The following OTUD7A variants were observed in gnomAD, a reference collection of about 807,000 sequenced individuals.
The protein encoded by OTUD7A is OTU deubiquitinase 7A, also known as OTU domain-containing protein 7A.
Under a neutral mutation model 65.7 loss-of-function variants are expected in OTUD7A, and 12 were observed. The observed-to-expected ratio is 0.18, with a 90% CI of 0.12 to 0.30. The LOEUF is 0.30. Among genes scored for constraint, OTUD7A ranks in the 10% least tolerant of loss-of-function variants. The probability of loss-of-function intolerance (pLI) is 1.00; values close to 1 mark genes in which losing one functional copy is unlikely to be tolerated. For synonymous variants in OTUD7A, 641 were observed against 586.3 expected (o/e 1.09, Z -1.35); for missense variants, 1,148 against 1,304.8 (o/e 0.88, Z 1.85).
chr15:31,488,728 T>G (rs994994587), intron 10 of OTUD7A, among the ~76,000 whole-genome samples: 2 of 152,134 alleles, frequency 1.3e-5, no homozygotes, highest in African/African-American at 4.8e-5. Context: ...AATAGTTGAT[T>G]TGGTAAGAAA....
chr15:31,496,770 G>C (rs1227945834), intron 10 of OTUD7A, among the ~76,000 whole-genome samples: 4 of 152,172 alleles, frequency 2.6e-5, no homozygotes, highest in African/African-American at 9.7e-5. Flanking sequence ...ATCAAATACA[G>C]ATGGAAGGCT....
In OTUD7A at chr15:31,860,677, GTATATATA is replaced by G. The variant is rs1555425282; in HGVS notation, c.-100+9822_-100+9829del. Among the ~76,000 whole-genome samples the G allele has an allele frequency of 2.4e-3, 176 of 73,280 alleles. 4 individuals carry two copies. The highest frequency in any genetic ancestry group is 9.8e-3 in the Middle Eastern group (1 of 102). The allele number at this position is 73,280 out of a possible 152,430, so 48.1% of individuals were successfully genotyped here. ...TGTGTGTATATATAGATGTATGTGTGTATATATATATATATATATATATGTATGTATAT... is the reference window on the plus strand; with the variant it reads ...TGTGTGTATATATAGATGTATGTGTGTATATATATATATATGTATGTATAT... On this transcript the variant is annotated intron_variant, in intron 1 of 12. Transcript: ENST00000307050.
chr15:31,855,517 A>C (rs1286595631), intron 1 of OTUD7A, among the ~76,000 whole-genome samples: 5 of 152,222 alleles, frequency 3.3e-5, no homozygotes, highest in Non-Finnish European at 7.3e-5. Flanking sequence ...AATCGAAAAA[A>C]AAATCCTCAA....
At chr15:31,642,083 CTTCTA>C (rs1891533581) in intron 3 of OTUD7A, among the ~76,000 whole-genome samples, 1 of 152,166 alleles carries the variant, frequency 6.6e-6, no homozygotes, top group South Asian at 2.1e-4. Flanking sequence ...AGGAAGTTTT[CTTCTA>C]TTCCTAGTTT....
chr15:31,738,758 C>T (rs1278524323), intron 1 of OTUD7A, among the ~76,000 whole-genome samples: 1 of 152,194 alleles, frequency 6.6e-6, no homozygotes, highest in Admixed American at 6.5e-5. Context: ...TGGGATAGTA[C>T]GCAAAGGCAC....
chr15:31,603,014 T>C (rs1478017386), intron 3 of OTUD7A, among the ~76,000 whole-genome samples: 1 of 152,210 alleles, frequency 6.6e-6, no homozygotes, highest in African/African-American at 2.4e-5. Flanking sequence ...ATGGCCATAC[T>C]GCCCAAAGTA....
chr15:31,810,493 T>C, intron 1 of OTUD7A, among the ~76,000 whole-genome samples: 1 of 152,110 alleles, frequency 6.6e-6, no homozygotes, highest in East Asian at 1.9e-4. Context: ...GCTTCATGCA[T>C]GCGTAGAAAA....
chr15:31,838,205 C>G (rs142795601), intron 1 of OTUD7A, among the ~76,000 whole-genome samples: 1 of 152,312 alleles, frequency 6.6e-6, no homozygotes, highest in Non-Finnish European at 1.5e-5. Flanking sequence ...GTACCTAGCA[C>G]TACATGAAAA....
intron 1 of OTUD7A, among the ~76,000 whole-genome samples, chr15:31,718,895 A>G (rs1464446641): frequency 2.9e-5 from 1 of 34,320 alleles, no homozygotes; most frequent in Non-Finnish European, 6.5e-5. Flanking sequence ...TATGCTGAAT[A>G]AGTGATTAGG....
intron 1 of OTUD7A, among the ~76,000 whole-genome samples, chr15:31,729,851 A>T (rs547386989): frequency 6.6e-6 from 1 of 152,006 alleles, no homozygotes; most frequent in South Asian, 2.1e-4. Context: ...TTCTCTCTAC[A>T]TGCTTCCCAG....
intron 3 of OTUD7A, among the ~76,000 whole-genome samples, chr15:31,653,398 G>A (rs1223529041): frequency 6.6e-6 from 1 of 152,186 alleles, no homozygotes; most frequent in Non-Finnish European, 1.5e-5. Context: ...GAGAAATTCT[G>A]GAGTACCTGC....
chr15:31,484,002 G>T lies in OTUD7A; in HGVS notation c.2094C>A (p.Ala698=). ...TCTCCGGTCTGCGCGGCGGCCGCTT[G>T]GCCGTGGCGGCGGCGGCGGCGGCGG... The part of the protein sequence containing the change: ...AAAAAAAAAT[A]KRPPRRPETE... Residue 698 remains alanine, a synonymous_variant, in exon 13 of 13, where the codon GCC becomes GCA. Transcript: ENST00000307050. This position sits in a 1 kb window ranked among gnomAD's most constrained non-coding sequence, Gnocchi z 4.5. The T allele has an allele frequency of 9.0e-7, 1 of 1,111,266 alleles. No individual in the cohort carries two copies. The highest frequency in any genetic ancestry group is 1.1e-6 in the Non-Finnish European group (1 of 930,702). The allele number at this position is 1,111,266 out of a possible 1,614,324, so 68.8% of individuals were successfully genotyped here. A position where few individuals can be genotyped will look rare whatever the true frequency, so the allele number is the denominator to read the frequency against.
At chr15:31,598,985 A>T (rs1234229919) in intron 3 of OTUD7A, among the ~76,000 whole-genome samples, 2 of 152,166 alleles carry the variant, frequency 1.3e-5, no homozygotes, top group African/African-American at 4.8e-5. Context: ...GCATCTCTAA[A>T]AAAAAAGGCA....
At chr15:31,497,163 C>T (rs1004709616) in intron 10 of OTUD7A, among the ~76,000 whole-genome samples, 1 of 152,200 alleles carries the variant, frequency 6.6e-6, no homozygotes, top group Non-Finnish European at 1.5e-5. Flanking sequence ...GGTGCCCTGA[C>T]CTCTGTGTGG....
rs546841806 is a variant in OTUD7A at position 31,804,488 on chromosome 15, C to T, written c.-100+66019G>A. 2.0e-5 allele frequency among the ~76,000 whole-genome samples: 3 copies of T among 152,332 alleles called. No individual in the cohort carries two copies. The South Asian group carries it at 6.2e-4, about 32-fold the overall frequency. On this transcript the variant is annotated intron_variant, in intron 1 of 12. Coordinates refer to ENST00000307050, the MANE Select transcript of OTUD7A (RefSeq NM_001382637.1). ...CCGAGGGACTAAGCCCCCTCCTCCC[C>T]TTTCTCCTCCATGGAGACCTCAGGA...
intron 1 of OTUD7A, among the ~76,000 whole-genome samples, chr15:31,858,236 G>C (rs1897628717): frequency 6.6e-6 from 1 of 152,214 alleles, no homozygotes; most frequent in Non-Finnish European, 1.5e-5. Context: ...CAGAGGGCAA[G>C]GGTGGCAAGG....
At chr15:31,727,156 T>G (rs2141356014) in intron 1 of OTUD7A, among the ~76,000 whole-genome samples, 1 of 152,326 alleles carries the variant, frequency 6.6e-6, no homozygotes, top group Admixed American at 6.5e-5. Context: ...GCACAAGAAC[T>G]TGGCCATGCA....
chr15:31,860,035 C>T (rs931403808), intron 1 of OTUD7A, among the ~76,000 whole-genome samples: 8 of 152,096 alleles, frequency 5.3e-5, no homozygotes, highest in African/African-American at 1.9e-4. Context: ...TATGAATTTT[C>T]TTTTTTCCTT....
chr15:31,563,489 G>C (rs1404682535), intron 4 of OTUD7A, among the ~76,000 whole-genome samples: 1 of 152,238 alleles, frequency 6.6e-6, no homozygotes, highest in East Asian at 1.9e-4. Flanking sequence ...GCAGGAGGTG[G>C]GAATGGGTGA....
Sources: allele counts gnomAD v4.1 joint callset (sites outside exome capture counted in the v4.1 genomes callset), GRCh38; gene constraint gnomAD v4.1.1; non-coding constraint Gnocchi (gnomAD v3.1); transcripts MANE v1.5; gene names NCBI Gene and HGNC (gene_info 2026-07-23, HGNC 2026-07-21).